Variants in HERC1 observed in about 807,000 individuals in gnomAD.
The protein encoded by HERC1 is HECT and RLD domain containing E3 ubiquitin protein ligase family member 1.
A neutral mutation model predicts 554.3 loss-of-function variants in HERC1; 160 were observed. That is an observed-to-expected ratio of 0.29 (90% CI 0.25 to 0.33). The LOEUF is 0.33. HERC1 is among the 10% of genes least tolerant of loss of function. HERC1 has a pLI of 1.00. For missense variants in HERC1, 4,919 were observed against 5,918.5 expected, an observed-to-expected ratio of 0.83 and a Z score of 5.54; for synonymous variants, 2,175 against 2,131.7, an observed-to-expected ratio of 1.02 and a Z score of -0.56.
chr15:63,719,757 T>C (rs181641279), intron 19 of HERC1, among the ~76,000 whole-genome samples: 14 of 152,302 alleles, frequency 9.2e-5, no homozygotes, highest in East Asian at 7.7e-4. Flanking sequence ...AGATCTGTGA[T>C]GTGAGAATAT....
intron 1 of HERC1, among the ~76,000 whole-genome samples, chr15:63,789,078 G>GTTTTT (rs71131178): frequency 2.4e-5 from 2 of 83,610 alleles, no homozygotes; most frequent in African/African-American, 5.0e-5. Context: ...GGAATAAAAG[G>GTTTTT]TTTTTTTTTT....
At chr15:63,648,913 G>A (rs2069499987) in intron 54 of HERC1, among the ~76,000 whole-genome samples, 2 of 152,118 alleles carry the variant, frequency 1.3e-5, no homozygotes, top group Non-Finnish European at 2.9e-5. Context: ...ACTTCCCCCA[G>A]ACAACCAACA....
At chr15:63,768,387 A>G (rs1028173830) in intron 2 of HERC1, among the ~76,000 whole-genome samples, 8 of 152,250 alleles carry the variant, frequency 5.3e-5, no homozygotes, top group Non-Finnish European at 7.3e-5. Context: ...CACTTTGAGT[A>G]GTAAGGCTTC....
intron 1 of HERC1, among the ~76,000 whole-genome samples, chr15:63,801,280 G>A (rs776790403): frequency 5.9e-5 from 9 of 152,158 alleles, no homozygotes; most frequent in South Asian, 2.1e-4. Context: ...GAACTCCCCC[G>A]TTTGTAGGCA....
At chr15:63,710,793 G>A (rs1194029774) in intron 24 of HERC1, among the ~76,000 whole-genome samples, 4 of 152,200 alleles carry the variant, frequency 2.6e-5, no homozygotes, top group Non-Finnish European at 4.4e-5. Flanking sequence ...TAGCATTCCA[G>A]TCCTAAGAAA....
intron 1 of HERC1, among the ~76,000 whole-genome samples, chr15:63,812,619 T>C (rs2077366281): frequency 6.6e-6 from 1 of 152,130 alleles, no homozygotes; most frequent in Non-Finnish European, 1.5e-5. Flanking sequence ...AATAAATCCA[T>C]CCCTGTGGAA....
intron 1 of HERC1, among the ~76,000 whole-genome samples, chr15:63,810,680 C>T (rs2077276731): frequency 6.6e-6 from 1 of 151,816 alleles, no homozygotes. Flanking sequence ...ATGCTAAAAC[C>T]AATGGGAAAG....
intron 12 of HERC1, among the ~76,000 whole-genome samples, chr15:63,746,470 A>T (rs1278561163): frequency 6.6e-6 from 1 of 152,190 alleles, no homozygotes; most frequent in African/African-American, 2.4e-5. Flanking sequence ...TATAACCAGT[A>T]TTCTATTCTA....
chr15:63,779,819 T>C (rs1202525410), intron 1 of HERC1: 1 of 151,994 alleles, frequency 6.6e-6, no homozygotes, highest in Admixed American at 6.6e-5. Context: ...ATGGAGACCA[T>C]CCTTGCCAAC....
chr15:63,632,460 C>T, intron 68 of HERC1: 1 of 534,188 alleles, frequency 1.9e-6, no homozygotes, highest in Non-Finnish European at 3.4e-6. Flanking sequence ...AGGGGACGGC[C>T]CTTGGCAGGG....
chr15:63,798,315 C>A (rs373393506), intron 1 of HERC1, among the ~76,000 whole-genome samples: 2 of 152,310 alleles, frequency 1.3e-5, no homozygotes, highest in East Asian at 3.9e-4. Context: ...CTACTCAGTG[C>A]TTAACCAGTT....
In HERC1 at chr15:63,623,855, G is replaced by A. The variant is rs755185919; in HGVS notation, c.13481C>T (p.Ala4494Val). The A allele has an allele frequency of 8.1e-6, 13 of 1,613,806 alleles. No individual in the cohort carries two copies. Among genetic ancestry groups the A allele is most frequent in the South Asian group, 1.1e-5 (1 of 91,080 alleles). Residue 4494 changes from alanine (A) to valine (V), a missense_variant, in exon 73 of 78, where the codon GCG becomes GTG. By Grantham distance (64) the Ala-to-Val change is moderately conservative (BLOSUM62 0). Transcript: ENST00000443617. ...RKCKPIFVQI[A>V]RQVVKLNASD... ...AGCATTCAGCTTAACTACTTGTCTCGCTATTTGGACAAAAATAGGCTTACA... is the reference window on the plus strand; with the variant it reads ...AGCATTCAGCTTAACTACTTGTCTCACTATTTGGACAAAAATAGGCTTACA...
intron 2 of HERC1, among the ~76,000 whole-genome samples, chr15:63,769,605 G>A (rs1248564195): frequency 2.6e-5 from 4 of 152,168 alleles, no homozygotes; most frequent in Non-Finnish European, 5.9e-5. Flanking sequence ...TGTAATCTCA[G>A]CACTTTCGGA....
intron 12 of HERC1, among the ~76,000 whole-genome samples, chr15:63,746,181 C>T (rs1596138487): frequency 1.3e-5 from 2 of 151,808 alleles, no homozygotes; most frequent in Admixed American, 6.6e-5. Context: ...AATTTTCCTC[C>T]AAGCACAGCT....
intron 8 of HERC1, among the ~76,000 whole-genome samples, chr15:63,751,607 G>A (rs1358118152): frequency 2.6e-5 from 4 of 152,154 alleles, no homozygotes; most frequent in Non-Finnish European, 5.9e-5. Flanking sequence ...CAGTACAGAA[G>A]AGGCCTGAAA....
At chr15:63,829,474 A>ATT (rs2078059432) in intron 1 of HERC1, among the ~76,000 whole-genome samples, 1 of 36,044 alleles carries the variant, frequency 2.8e-5, no homozygotes. Context: ...ATATATGTTT[A>ATT]TATAAATATA....
chr15:63,622,943 G>C (rs900291975), intron 73 of HERC1, 52 bp from the exon 74 acceptor site: 6 of 1,120,776 alleles, frequency 5.4e-6, no homozygotes, highest in Admixed American at 4.6e-5. Context: ...AATGCATGAA[G>C]AGAACAAACC....
In HERC1 at chr15:63,692,217, T is replaced by C. The variant is rs900004171; in HGVS notation, c.5830+194A>G. Among the ~76,000 whole-genome samples, 1 of 152,262 alleles carries C rather than the reference T, an allele frequency of 6.6e-6. No homozygotes were observed. Among genetic ancestry groups the C allele is most frequent in the African/African-American group, 2.4e-5 (1 of 41,478 alleles). The stretch of plus-strand genomic sequence containing the variant: ...TAAATTCTATGATCTTCTCCAGAGC[T>C]ACATTATTTATTTTCTGCCAATTTT... On this transcript the variant is annotated intron_variant, in intron 31 of 77. Transcript: ENST00000443617. This position sits in a 1 kb window ranked among gnomAD's most constrained non-coding sequence, Gnocchi z 4.7.
intron 19 of HERC1, among the ~76,000 whole-genome samples, chr15:63,720,376 C>G (rs567309581): frequency 5.8e-4 from 88 of 152,068 alleles, no homozygotes; most frequent in African/African-American, 2.1e-3. Flanking sequence ...CCACCCTGCT[C>G]CCAGAGGGAC....
Sources: gnomAD v4.1 joint callset for allele counts (sites outside exome capture counted in the v4.1 genomes callset) on GRCh38, gnomAD v4.1.1 for gene constraint, Gnocchi (gnomAD v3.1) non-coding constraint, MANE v1.5 for transcripts, NCBI Gene and HGNC (gene_info 2026-07-23, HGNC 2026-07-21) for gene names.